GALNT2: variants seen among roughly 807,000 people sequenced by gnomAD.
The protein encoded by GALNT2 is polypeptide N-acetylgalactosaminyltransferase 2, also known as UDP-GalNAc:polypeptide N-acetylgalactosaminyltransferase 2.
In GALNT2, 31 loss-of-function variants were observed where a neutral mutation model predicts 81.4. That is an observed-to-expected ratio of 0.38 (90% CI 0.29 to 0.51). The LOEUF is 0.51. Among genes scored for constraint, GALNT2 ranks in the 20% least tolerant of loss-of-function variants. The probability of loss-of-function intolerance (pLI) is 0.87; values close to 1 mark genes in which losing one functional copy is unlikely to be tolerated. For synonymous variants in GALNT2, 303 were observed against 287.4 expected, an observed-to-expected ratio of 1.05 and a Z score of -0.55; for missense variants, 629 against 765.7, an observed-to-expected ratio of 0.82 and a Z score of 2.11.
intron 1 of GALNT2, among the ~76,000 whole-genome samples, chr1:230,068,209 G>C (rs998605267): frequency 9.9e-5 from 15 of 152,244 alleles, no homozygotes; most frequent in African/African-American, 3.6e-4. Flanking sequence ...TGATCTGGCT[G>C]TGGGGACCGT....
In GALNT2 at chr1:230,243,442, G is replaced by A; in HGVS notation, c.729+15G>A. 6.2e-7 allele frequency: 1 copy of A among 1,608,900 alleles called. No individual in the cohort carries two copies. Among genetic ancestry groups the A allele is most frequent in the Non-Finnish European group, 8.5e-7 (1 of 1,179,516 alleles). On this transcript the variant is annotated intron_variant, in intron 7 of 15. Coordinates refer to ENST00000366672, the MANE Select transcript of GALNT2 (RefSeq NM_004481.5). This position sits in a 1 kb window ranked among gnomAD's most constrained non-coding sequence, Gnocchi z 4.2. ...GGGTGGCGGAGGTGAGATGACGGGG[G>A]CTGGGAGGGGTGTCAGGTCGTGGGT...
At chr1:230,068,085 C>T (rs973404201) in intron 1 of GALNT2, among the ~76,000 whole-genome samples, 7 of 152,374 alleles carry the variant, frequency 4.6e-5, no homozygotes, top group African/African-American at 1.4e-4. Flanking sequence ...GGCCCCCGGC[C>T]CTCCCGCGCG....
intron 3 of GALNT2, among the ~76,000 whole-genome samples, chr1:230,228,495 G>C (rs1031392197): frequency 6.6e-6 from 1 of 151,972 alleles, no homozygotes; most frequent in Non-Finnish European, 1.5e-5. Flanking sequence ...CAGCAGTGGC[G>C]TTACTCATCA....
chr1:230,088,157 T>C (rs1659952675), intron 1 of GALNT2, among the ~76,000 whole-genome samples: 1 of 152,230 alleles, frequency 6.6e-6, no homozygotes, highest in African/African-American at 2.4e-5. Flanking sequence ...TAACCATTTT[T>C]AAGTGTACAG....
chr1:230,182,995 A>G (rs1406424866), intron 2 of GALNT2, among the ~76,000 whole-genome samples: 3 of 152,234 alleles, frequency 2.0e-5, no homozygotes, highest in African/African-American at 4.8e-5. Context: ...TTAAAAAATC[A>G]TTGTGTAGTT....
chr1:230,194,751 TGTA>T (rs1236953630), intron 2 of GALNT2, among the ~76,000 whole-genome samples: 4 of 152,222 alleles, frequency 2.6e-5, no homozygotes, highest in African/African-American at 9.6e-5. Context: ...CAGGAACGCC[TGTA>T]GGGCTTAGCA....
intron 3 of GALNT2, among the ~76,000 whole-genome samples, chr1:230,204,705 A>G (rs1664008264): frequency 6.6e-6 from 1 of 152,230 alleles, no homozygotes; most frequent in South Asian, 2.1e-4. Flanking sequence ...TTAAAAAATA[A>G]GGAGCTGCAT....
chr1:230,248,767 C>T (rs1665453324), intron 8 of GALNT2, among the ~76,000 whole-genome samples: 1 of 152,174 alleles, frequency 6.6e-6, no homozygotes, highest in Non-Finnish European at 1.5e-5. Flanking sequence ...CCAGCATTGC[C>T]TTCCCCTGGG....
intron 1 of GALNT2, among the ~76,000 whole-genome samples, chr1:230,106,615 C>T (rs930431574): frequency 3.9e-5 from 6 of 152,174 alleles, no homozygotes; most frequent in Admixed American, 6.5e-5. Flanking sequence ...AATTATGGAG[C>T]ATTTGCTGTA....
chr1:230,116,431 T>C (rs1360866526), intron 1 of GALNT2, among the ~76,000 whole-genome samples: 1 of 152,166 alleles, frequency 6.6e-6, no homozygotes, highest in Non-Finnish European at 1.5e-5. Context: ...GGTTTCACCA[T>C]GTTGGGCAGG....
intron 1 of GALNT2, among the ~76,000 whole-genome samples, chr1:230,153,203 A>G (rs1285101347): frequency 6.6e-6 from 1 of 152,238 alleles, no homozygotes; most frequent in Non-Finnish European, 1.5e-5. Flanking sequence ...AGCTGAGACT[A>G]TAGGCCTGAG....
intron 3 of GALNT2, among the ~76,000 whole-genome samples, chr1:230,207,048 G>A (rs970755414): frequency 8.6e-5 from 13 of 151,424 alleles, no homozygotes; most frequent in African/African-American, 2.4e-4. Flanking sequence ...CACACACTGT[G>A]TATTTTACTT....
intron 9 of GALNT2, 130 bp from the exon 10 acceptor site, chr1:230,250,327 G>C (rs1050701957): frequency 4.3e-6 from 3 of 702,118 alleles, no homozygotes; most frequent in Admixed American, 2.1e-5. Context: ...AGAAAACAGT[G>C]GCAGTGTGGC....
intron 1 of GALNT2, among the ~76,000 whole-genome samples, chr1:230,109,191 C>T (rs1010535593): frequency 1.3e-5 from 2 of 152,222 alleles, no homozygotes; most frequent in Non-Finnish European, 2.9e-5. Context: ...CTGGGAGCTG[C>T]GGCTGCGGAC....
chr1:230,146,441 A>G (rs1280856501), intron 1 of GALNT2, among the ~76,000 whole-genome samples: 1 of 151,930 alleles, frequency 6.6e-6, no homozygotes, highest in Non-Finnish European at 1.5e-5. Flanking sequence ...TTTCCTCTGG[A>G]GGTGTTGATC....
At chr1:230,106,500 T>G (rs1197322225) in intron 1 of GALNT2, among the ~76,000 whole-genome samples, 1 of 152,250 alleles carries the variant, frequency 6.6e-6, no homozygotes, top group Non-Finnish European at 1.5e-5. Flanking sequence ...AGTTTTGTAT[T>G]TAGCTTTAAT....
At chr1:230,084,930 A>G (rs1468959652) in intron 1 of GALNT2, among the ~76,000 whole-genome samples, 1 of 152,120 alleles carries the variant, frequency 6.6e-6, no homozygotes, top group Non-Finnish European at 1.5e-5. Context: ...TCGTCCAGAC[A>G]TGCTGCCTTG....
chr1:230,272,858 T>C (rs1183857699), intron 14 of GALNT2, among the ~76,000 whole-genome samples: 1 of 152,154 alleles, frequency 6.6e-6, no homozygotes, highest in African/African-American at 2.4e-5. Flanking sequence ...AGCCTCGGCC[T>C]CCCAGGTTGA....
At position 230,274,472 on chromosome 1, in the gene GALNT2, G is replaced by A. The variant is rs1202461866; in HGVS notation, c.1468G>A (p.Val490Met). 6.2e-7 allele frequency: 1 copy of A among 1,613,586 alleles called. No individual in the cohort carries two copies. Among genetic ancestry groups the A allele is most frequent in the Non-Finnish European group, 8.5e-7 (1 of 1,179,782 alleles). ...QEWALTKEKS[V>M]KHMDLCLTVV... ...ATGGGCCTTGACGAAGGAGAAGTCG[G>A]TGAAGCACATGGATTTGTGCCTTAC... The change falls in exon 15 of 16, where the codon GTG becomes ATG. Residue 490 changes from valine to methionine, a missense_variant. By Grantham distance (21) the Val-to-Met change is conservative. Coordinates refer to ENST00000366672, the MANE Select transcript of GALNT2 (RefSeq NM_004481.5).
Sources: allele counts gnomAD v4.1 joint callset (sites outside exome capture counted in the v4.1 genomes callset), GRCh38; gene constraint gnomAD v4.1.1; non-coding constraint Gnocchi (gnomAD v3.1); transcripts MANE v1.5; gene names NCBI Gene and HGNC (gene_info 2026-07-23, HGNC 2026-07-21).